The following MAP3K5 variants were observed in gnomAD, a reference collection of about 807,000 sequenced individuals.
The protein encoded by MAP3K5 is ASK-1.
Under a neutral mutation model 158.7 loss-of-function variants are expected in MAP3K5, and 56 were observed. That is an observed-to-expected ratio of 0.35 (90% CI 0.28 to 0.44). MAP3K5 has a LOEUF of 0.44. Among genes scored for constraint, MAP3K5 ranks in the 20% least tolerant of loss-of-function variants. The pLI is 1.00. For synonymous variants in MAP3K5, 579 were observed against 601.7 expected (o/e 0.96, Z 0.55); for missense variants, 1,294 against 1,674.8 (o/e 0.77, Z 3.97).
At chr6:136,683,863 T>C (rs1780036190) in intron 7 of MAP3K5, among the ~76,000 whole-genome samples, 1 of 152,046 alleles carries the variant, frequency 6.6e-6, no homozygotes, top group African/African-American at 2.4e-5. Flanking sequence ...AAAAATAAGA[T>C]CTGAAATTTT....
chr6:136,752,089 T>C (rs1783235682), intron 1 of MAP3K5, among the ~76,000 whole-genome samples: 2 of 152,192 alleles, frequency 1.3e-5, no homozygotes. Context: ...CATTCCTACT[T>C]CCATCCCTCC....
intron 25 of MAP3K5, among the ~76,000 whole-genome samples, chr6:136,572,102 G>A (rs1001111326): frequency 4.6e-5 from 7 of 152,194 alleles, no homozygotes; most frequent in African/African-American, 1.7e-4. Flanking sequence ...GAATGGAAGA[G>A]TATTCCTACT....
chr6:136,571,691 G>A (rs905319438), intron 25 of MAP3K5, among the ~76,000 whole-genome samples: 3 of 152,130 alleles, frequency 2.0e-5, no homozygotes, highest in Admixed American at 6.5e-5. Flanking sequence ...CTTGGCAATT[G>A]TAACTAGTAC....
At chr6:136,705,282 A>G (rs539633602) in intron 2 of MAP3K5, 149 bp from the exon 3 acceptor site, 129 of 445,186 alleles carry the variant, frequency 2.9e-4, no homozygotes, top group South Asian at 6.5e-5. Context: ...CTGCATCTGA[A>G]AAGTTTTCTA....
At chr6:136,695,376 C>G (rs1780560041) in intron 6 of MAP3K5, among the ~76,000 whole-genome samples, 1 of 152,160 alleles carries the variant, frequency 6.6e-6, no homozygotes, top group Non-Finnish European at 1.5e-5. Flanking sequence ...TGAGCTCAGG[C>G]AATCCGACCA....
intron 11 of MAP3K5, among the ~76,000 whole-genome samples, chr6:136,645,516 G>T (rs1054303188): frequency 1.4e-5 from 2 of 147,740 alleles, no homozygotes; most frequent in Non-Finnish European, 3.1e-5. Flanking sequence ...ACCCCCAAAA[G>T]GGGGGGAAAT....
At chr6:136,700,234 C>A (rs1313644253) in intron 3 of MAP3K5, among the ~76,000 whole-genome samples, 1 of 152,054 alleles carries the variant, frequency 6.6e-6, no homozygotes, top group Non-Finnish European at 1.5e-5. Context: ...ATTTTGGCAG[C>A]CTGGGCAGGT....
chr6:136,614,435 A>C, intron 15 of MAP3K5, 149 bp from the exon 16 acceptor site: 2 of 802,634 alleles, frequency 2.5e-6, no homozygotes, highest in Non-Finnish European at 3.9e-6. Flanking sequence ...TCCTAAGGTA[A>C]ATTCTATGAG....
chr6:136,623,042 T>C (rs1230885070), intron 14 of MAP3K5, 61 bp from the exon 15 acceptor site: 5 of 1,549,842 alleles, frequency 3.2e-6, no homozygotes, highest in Non-Finnish European at 4.4e-6. Context: ...ATTTCAAACA[T>C]CAAATTTTTT....
intron 1 of MAP3K5, among the ~76,000 whole-genome samples, chr6:136,784,056 A>C (rs1394060999): frequency 6.6e-6 from 1 of 152,096 alleles, no homozygotes; most frequent in African/African-American, 2.4e-5. Context: ...TAAACAGAGA[A>C]CTCCCAAAAG....
intron 1 of MAP3K5, among the ~76,000 whole-genome samples, chr6:136,786,438 C>CA (rs1426678278): frequency 6.6e-6 from 1 of 150,612 alleles, no homozygotes; most frequent in African/African-American, 2.4e-5. Context: ...TGTCCACCTA[C>CA]ACAGGGCAAC....
At chr6:136,731,443 C>T (rs953147666) in intron 1 of MAP3K5, among the ~76,000 whole-genome samples, 5 of 152,126 alleles carry the variant, frequency 3.3e-5, no homozygotes, top group African/African-American at 4.8e-5. Context: ...TCTAAGTTTT[C>T]GGCACTCCTT....
intron 25 of MAP3K5, 145 bp from the exon 26 acceptor site, chr6:136,568,019 T>C (rs1316107012): frequency 1.2e-6 from 1 of 833,932 alleles, no homozygotes; most frequent in Non-Finnish European, 1.8e-6. Flanking sequence ...TGGATTTCTG[T>C]AGACTCAGAT....
chr6:136,761,689 G>T (rs898549124), intron 1 of MAP3K5, among the ~76,000 whole-genome samples: 1 of 152,220 alleles, frequency 6.6e-6, no homozygotes, highest in Non-Finnish European at 1.5e-5. Flanking sequence ...GAGGGGCTGC[G>T]ATGAGGCAGA....
At chr6:136,592,403 C>A (rs761167663) in intron 22 of MAP3K5, 34 bp downstream of exon 22, 2 of 1,608,936 alleles carry the variant, frequency 1.2e-6, no homozygotes, top group Non-Finnish European at 8.5e-7. Flanking sequence ...CTTAACAACA[C>A]ACTTCTCTCA....
intron 1 of MAP3K5, among the ~76,000 whole-genome samples, chr6:136,784,674 C>T (rs1424038603): frequency 6.6e-6 from 1 of 152,148 alleles, no homozygotes; most frequent in Non-Finnish European, 1.5e-5. Flanking sequence ...ATCAGAGGCT[C>T]TCAAACACAA....
intron 23 of MAP3K5, among the ~76,000 whole-genome samples, chr6:136,586,388 CTGGTTTT>C (rs1775142751): frequency 6.6e-6 from 1 of 152,288 alleles, no homozygotes; most frequent in East Asian, 1.9e-4. Flanking sequence ...CATGTTGCTT[CTGGTTTT>C]TTGATGTGTG....
At chr6:136,703,831 G>C (rs1486207649) in intron 3 of MAP3K5, among the ~76,000 whole-genome samples, 1 of 152,174 alleles carries the variant, frequency 6.6e-6, no homozygotes, top group African/African-American at 2.4e-5. Context: ...GATTTAAGGA[G>C]AAATTAGCAA....
At chr6:136,705,844 T>C (rs1392774185) in intron 2 of MAP3K5, among the ~76,000 whole-genome samples, 3 of 152,146 alleles carry the variant, frequency 2.0e-5, no homozygotes, top group Non-Finnish European at 4.4e-5. Flanking sequence ...GAAAAAACAG[T>C]GTGTTACATC....
Sources: allele counts gnomAD v4.1 joint callset (sites outside exome capture counted in the v4.1 genomes callset), GRCh38; gene constraint gnomAD v4.1.1; transcripts MANE v1.5; gene names NCBI Gene and HGNC (gene_info 2026-07-23, HGNC 2026-07-21).